Variants in OXR1 observed in about 807,000 individuals in gnomAD.
OXR1 encodes the protein oxidation resistance protein 1.
Under a neutral mutation model 104.6 loss-of-function variants are expected in OXR1, and 41 were observed. The ratio of observed to expected loss-of-function variants is 0.39; its 90% CI spans 0.31 to 0.51. The LOEUF (loss-of-function observed/expected upper bound fraction) is 0.51. Among genes scored for constraint, OXR1 ranks in the 20% least tolerant of loss-of-function variants. The probability of loss-of-function intolerance (pLI) is 0.77; values close to 1 mark genes in which losing one functional copy is unlikely to be tolerated. For synonymous variants in OXR1, 348 were observed against 348.4 expected (o/e 1.00, Z 0.01); for missense variants, 955 against 1,031.9 (o/e 0.93, Z 1.02).
intron 1 of OXR1, among the ~76,000 whole-genome samples, chr8:106,290,842 G>T (rs946437761): frequency 2.9e-4 from 44 of 152,170 alleles, no homozygotes; most frequent in Non-Finnish European, 5.4e-4. Flanking sequence ...TACATTGTTG[G>T]TGGGAATGTA....
chr8:106,514,500 G>T (rs1052760720), intron 2 of OXR1, among the ~76,000 whole-genome samples: 1 of 152,058 alleles, frequency 6.6e-6, no homozygotes, highest in South Asian at 2.1e-4. Flanking sequence ...TTCGAGTCTT[G>T]GTTGGGAAGA....
intron 2 of OXR1, among the ~76,000 whole-genome samples, chr8:106,426,635 G>A (rs1372179254): frequency 6.6e-6 from 1 of 152,106 alleles, no homozygotes; most frequent in Non-Finnish European, 1.5e-5. Context: ...GTGTGGGTTT[G>A]AATTTGAGCT....
intron 1 of OXR1, among the ~76,000 whole-genome samples, chr8:106,324,368 G>A (rs974192711): frequency 6.6e-6 from 1 of 152,028 alleles, no homozygotes; most frequent in East Asian, 1.9e-4. Context: ...TGAGGGAGGA[G>A]GTTGGGAGGA....
chr8:106,382,896 G>A (rs17337405), intron 2 of OXR1, among the ~76,000 whole-genome samples: 4,257 of 151,848 alleles, frequency 0.028, 67 homozygotes, highest in African/African-American at 0.034. Context: ...GGAGGGAAAT[G>A]GTCTGAACCT....
At position 106,739,501 on chromosome 8, in the gene OXR1, T is replaced by C. The variant is rs778856570; in HGVS notation, c.2081T>C (p.Val694Ala). The C allele has an allele frequency of 9.3e-6, 15 of 1,612,500 alleles. No individual in the cohort carries two copies. In the South Asian group the frequency reaches 1.6e-4, roughly 18 times the overall value. ...EDINSKQVAT[V>A]KADLESESFR... is the part of the protein sequence containing the mutation. ...ATAAATTCAAAGCAGGTTGCTACAGTGAAAGCAGACCTGGAGTCTGAATCT... is the reference window on the plus strand; with the variant it reads ...ATAAATTCAAAGCAGGTTGCTACAGCGAAAGCAGACCTGGAGTCTGAATCT... Residue 694 changes from valine to alanine, a missense_variant, in exon 13 of 17, where the codon GTG (valine) becomes GCG (alanine). Around this residue, in one of 2 missense-constraint regions of OXR1, gnomAD observed 849 missense variants for 852.9 expected, o/e 1.00. Coordinates refer to ENST00000517566, the MANE Select transcript of OXR1 (RefSeq NM_001198533.2).
intron 15 of OXR1, among the ~76,000 whole-genome samples, chr8:106,743,111 T>C (rs557758761): frequency 1.2e-4 from 18 of 151,960 alleles, no homozygotes; most frequent in Non-Finnish European, 2.1e-4. Flanking sequence ...AAAAACACCA[T>C]TGAAAAGTGG....
intron 11 of OXR1, among the ~76,000 whole-genome samples, chr8:106,715,678 G>A (rs978174271): frequency 2.0e-5 from 3 of 151,928 alleles, no homozygotes; most frequent in Non-Finnish European, 4.4e-5. Flanking sequence ...TGGGTGGCAC[G>A]GTGGATGGCA....
intron 2 of OXR1, among the ~76,000 whole-genome samples, chr8:106,505,646 TAAG>T (rs1037868795): frequency 6.6e-6 from 1 of 152,054 alleles, no homozygotes; most frequent in Non-Finnish European, 1.5e-5. Flanking sequence ...ACTTAAAAAA[TAAG>T]AAGCAATCAG....
Position 106,737,500 on chromosome 8 carries a change from C to A in OXR1, c.1957-20C>A. The A allele has an allele frequency of 1.8e-5, 5 of 275,788 alleles. No homozygotes were observed. Among genetic ancestry groups the A allele is most frequent in the African/African-American group, 4.7e-5 (1 of 21,394 alleles). The allele number at this position is 275,788 out of a possible 1,614,324, so 17.1% of individuals were successfully genotyped here. On this transcript the variant is annotated intron_variant, in intron 11 of 16. Coordinates refer to ENST00000517566, the MANE Select transcript of OXR1 (RefSeq NM_001198533.2). ...TCTCAACTGTCAGTGGAATTATTGT[C>A]TTCCTGTCTCCATATTTAGGTAGTG... is the stretch of plus-strand genomic sequence containing the variant.
intron 3 of OXR1, among the ~76,000 whole-genome samples, chr8:106,629,030 C>T (rs775966308): frequency 1.3e-4 from 20 of 152,052 alleles, no homozygotes; most frequent in Non-Finnish European, 2.2e-4. Flanking sequence ...GACTTCAGAG[C>T]GTAACAGAGT....
intron 2 of OXR1, among the ~76,000 whole-genome samples, chr8:106,387,819 G>GT (rs1817439418): frequency 2.0e-5 from 3 of 152,290 alleles, no homozygotes; most frequent in South Asian, 4.1e-4. Context: ...CTCTTGAGTA[G>GT]TATGCATCAC....
chr8:106,703,411 A>G (rs1011232540), intron 8 of OXR1, among the ~76,000 whole-genome samples: 1 of 152,144 alleles, frequency 6.6e-6, no homozygotes, highest in African/African-American at 2.4e-5. Flanking sequence ...CCTGTGAGCA[A>G]TCACTGTTGG....
At chr8:106,676,839 A>T (rs1827641012) in intron 3 of OXR1, among the ~76,000 whole-genome samples, 1 of 152,022 alleles carries the variant, frequency 6.6e-6, no homozygotes, top group African/African-American at 2.4e-5. Context: ...AAAATTTAGA[A>T]CTGTTTTTAT....
intron 2 of OXR1, among the ~76,000 whole-genome samples, chr8:106,368,596 T>A (rs1413008597): frequency 6.6e-6 from 1 of 151,680 alleles, no homozygotes; most frequent in Non-Finnish European, 1.5e-5. Flanking sequence ...TTTCCCTCTC[T>A]GTGTCCATGT....
intron 2 of OXR1, among the ~76,000 whole-genome samples, chr8:106,487,021 CTT>C (rs11296936): frequency 0.018 from 2,363 of 129,568 alleles, 28 homozygotes; most frequent in East Asian, 0.077. Flanking sequence ...AATCCAGACA[CTT>C]TTTTTTTTTT....
At chr8:106,656,365 C>T (rs1825071645) in intron 3 of OXR1, 1 of 152,278 alleles carries the variant, frequency 6.6e-6, no homozygotes, top group Non-Finnish European at 1.5e-5. Context: ...TTTGTATCCT[C>T]CTGTGGCAGA....
chr8:106,750,595 G>T (rs1835819330), intron 16 of OXR1, among the ~76,000 whole-genome samples: 1 of 152,022 alleles, frequency 6.6e-6, no homozygotes, highest in Non-Finnish European at 1.5e-5. Flanking sequence ...CTCCCAAAGT[G>T]CTGGGATTAC....
chr8:106,301,990 C>G (rs1261516046), intron 1 of OXR1, among the ~76,000 whole-genome samples: 1 of 152,030 alleles, frequency 6.6e-6, no homozygotes, highest in Non-Finnish European at 1.5e-5. Flanking sequence ...CAGATAAAAA[C>G]AAAAGTCAAT....
intron 7 of OXR1, among the ~76,000 whole-genome samples, chr8:106,701,830 A>C (rs1830604495): frequency 1.3e-5 from 2 of 152,354 alleles, no homozygotes; most frequent in South Asian, 4.1e-4. Context: ...CAAATAAGCA[A>C]TATGCATATA....
Sources: allele counts gnomAD v4.1 joint callset (sites outside exome capture counted in the v4.1 genomes callset), GRCh38; gene constraint gnomAD v4.1.1; regional missense constraint gnomAD v4.1.1; transcripts MANE v1.5; gene names NCBI Gene and HGNC (gene_info 2026-07-23, HGNC 2026-07-21).